Variants in CADM1 observed in about 807,000 individuals in gnomAD.
CADM1 encodes the protein TSLC-1.
A neutral mutation model predicts 53.1 loss-of-function variants in CADM1; 15 were observed. That is an observed-to-expected ratio of 0.28 (90% CI 0.19 to 0.44). The LOEUF (loss-of-function observed/expected upper bound fraction) is 0.44. Among genes scored for constraint, CADM1 ranks in the 20% least tolerant of loss-of-function variants. CADM1 has a pLI of 1.00. For missense variants in CADM1, 434 were observed against 611.3 expected, an observed-to-expected ratio of 0.71 and a Z score of 3.06; for synonymous variants, 281 against 243.0, an observed-to-expected ratio of 1.16 and a Z score of -1.45.
At chr11:115,323,495 T>C (rs1384906463) in intron 1 of CADM1, among the ~76,000 whole-genome samples, 5 of 152,150 alleles carry the variant, frequency 3.3e-5, no homozygotes, top group African/African-American at 7.2e-5. Flanking sequence ...ATTAGATAGC[T>C]CTTTCTAGCC....
At chr11:115,275,037 A>G (rs1943406406) in intron 1 of CADM1, among the ~76,000 whole-genome samples, 1 of 152,156 alleles carries the variant, frequency 6.6e-6, no homozygotes, top group Non-Finnish European at 1.5e-5. Context: ...CATTTTCTTA[A>G]CCAGCTCAAG....
chr11:115,214,794 G>C lies in CADM1; in HGVS notation c.822-14C>G. 2.5e-6 allele frequency: 4 copies of C among 1,613,260 alleles called. No homozygotes were observed. The highest frequency in any genetic ancestry group is 2.5e-6 in the Non-Finnish European group (3 of 1,179,614). On this transcript the variant is annotated splice_polypyrimidine_tract_variant and intron_variant, in intron 6 of 11. Transcript: ENST00000331581. Reference sequence around the variant, plus strand: ...ACCATCACAGGCCTGCAGGGGGAAGGGGAGGAAGACAAGTCACATTATCAT... The same window carrying C: ...ACCATCACAGGCCTGCAGGGGGAAGCGGAGGAAGACAAGTCACATTATCAT...
chr11:115,280,975 A>G (rs1943569318), intron 1 of CADM1, among the ~76,000 whole-genome samples: 1 of 152,204 alleles, frequency 6.6e-6, no homozygotes, highest in Admixed American at 6.5e-5. Context: ...CAGCTTCTCA[A>G]TGGAATAGAA....
intron 1 of CADM1, among the ~76,000 whole-genome samples, chr11:115,442,745 A>T (rs1465906773): frequency 1.3e-5 from 2 of 152,180 alleles, no homozygotes; most frequent in Non-Finnish European, 2.9e-5. Flanking sequence ...AACTCTTGAT[A>T]TTATAACAAC....
intron 1 of CADM1, among the ~76,000 whole-genome samples, chr11:115,257,167 T>G (rs1028290923): frequency 6.6e-6 from 1 of 152,196 alleles, no homozygotes; most frequent in African/African-American, 2.4e-5. Flanking sequence ...AAAAAAGTTT[T>G]TTTTTAATAA....
At chr11:115,463,363 C>T (rs1289235708) in intron 1 of CADM1, among the ~76,000 whole-genome samples, 2 of 152,186 alleles carry the variant, frequency 1.3e-5, no homozygotes, top group African/African-American at 4.8e-5. Context: ...TTTGTTAAAA[C>T]ATATAATATT....
intron 8 of CADM1, among the ~76,000 whole-genome samples, chr11:115,199,869 T>C (rs941319259): frequency 6.6e-6 from 1 of 152,228 alleles, no homozygotes. Context: ...ATTGCTTTCA[T>C]GAGCTGTGGA....
At chr11:115,344,510 C>T (rs1945526599) in intron 1 of CADM1, among the ~76,000 whole-genome samples, 1 of 152,122 alleles carries the variant, frequency 6.6e-6, no homozygotes, top group Non-Finnish European at 1.5e-5. Flanking sequence ...ATTGTTTCAA[C>T]CATGGCAGAC....
At chr11:115,310,636 T>G (rs1004472748) in intron 1 of CADM1, among the ~76,000 whole-genome samples, 1 of 152,122 alleles carries the variant, frequency 6.6e-6, no homozygotes, top group Non-Finnish European at 1.5e-5. Flanking sequence ...ATGCAAAGAC[T>G]GTGTGACACC....
chr11:115,434,902 C>T (rs1197314304), intron 1 of CADM1, among the ~76,000 whole-genome samples: 1 of 148,610 alleles, frequency 6.7e-6, no homozygotes, highest in East Asian at 2.0e-4. Context: ...ACTCTGTCAC[C>T]CAGGCTAGAG....
chr11:115,282,080 A>T (rs1943601219), intron 1 of CADM1, among the ~76,000 whole-genome samples: 1 of 151,872 alleles, frequency 6.6e-6, no homozygotes, highest in Admixed American at 6.6e-5. Context: ...TTGCTTTATT[A>T]TTTTTTTTGG....
intron 10 of CADM1, among the ~76,000 whole-genome samples, chr11:115,184,639 C>T (rs575899604): frequency 6.6e-6 from 1 of 152,308 alleles, no homozygotes; most frequent in South Asian, 2.1e-4. Flanking sequence ...ATCATGAAGA[C>T]TCCCATATAG....
intron 1 of CADM1, among the ~76,000 whole-genome samples, chr11:115,260,920 C>T (rs977350286): frequency 2.6e-5 from 4 of 151,854 alleles, no homozygotes; most frequent in East Asian, 3.9e-4. Context: ...ATGATCCGCC[C>T]GCCTCAGCCT....
chr11:115,411,225 C>G (rs1199697904), intron 1 of CADM1, among the ~76,000 whole-genome samples: 1 of 152,152 alleles, frequency 6.6e-6, no homozygotes, highest in African/African-American at 2.4e-5. Flanking sequence ...AATATAACGA[C>G]TACACTAACA....
chr11:115,184,308 T>C (rs1264407737), intron 10 of CADM1, among the ~76,000 whole-genome samples: 1 of 152,230 alleles, frequency 6.6e-6, no homozygotes, highest in East Asian at 1.9e-4. Context: ...TAAGTGTGCA[T>C]TTTAAAAAGC....
At chr11:115,478,315 G>C (rs1347742925) in intron 1 of CADM1, among the ~76,000 whole-genome samples, 1 of 151,848 alleles carries the variant, frequency 6.6e-6, no homozygotes, top group East Asian at 1.9e-4. Context: ...ACCTTGCAAA[G>C]TGATAATCTA....
At chr11:115,407,873 TAAAA>T (rs148209064) in intron 1 of CADM1, among the ~76,000 whole-genome samples, 287 of 31,720 alleles carry the variant, frequency 9.0e-3, no homozygotes, top group Middle Eastern at 0.033. Context: ...CCCTGTCATT[TAAAA>T]AAAAAAAAAA....
intron 1 of CADM1, among the ~76,000 whole-genome samples, chr11:115,405,936 G>A (rs755982048): frequency 3.9e-5 from 6 of 152,038 alleles, no homozygotes; most frequent in East Asian, 1.9e-4. Context: ...GTCCAAACAC[G>A]GCATAGTGTT....
chr11:115,349,138 C>T (rs955178609), intron 1 of CADM1, among the ~76,000 whole-genome samples: 4 of 152,118 alleles, frequency 2.6e-5, no homozygotes, highest in South Asian at 4.1e-4. Context: ...CTATATGTGT[C>T]GCTCCTTTCT....
Sources: gnomAD v4.1 joint callset for allele counts (sites outside exome capture counted in the v4.1 genomes callset) on GRCh38, gnomAD v4.1.1 for gene constraint, MANE v1.5 for transcripts, NCBI Gene and HGNC (gene_info 2026-07-23, HGNC 2026-07-21) for gene names.